PRKCQ: variants seen among roughly 807,000 people sequenced by gnomAD.
PRKCQ encodes protein kinase C theta.
PRKCQ carries 41 observed loss-of-function variants against 91.2 expected under a neutral mutation model. The observed-to-expected ratio is 0.45, with a 90% CI of 0.35 to 0.58. The LOEUF is 0.58. PRKCQ is among the 20% of genes least tolerant of loss of function. The probability of loss-of-function intolerance (pLI) is 0.00; values close to 1 mark genes in which losing one functional copy is unlikely to be tolerated. For missense variants in PRKCQ, 673 were observed against 896.5 expected (o/e 0.75, Z 3.18); for synonymous variants, 307 against 316.9 (o/e 0.97, Z 0.33).
chr10:6,478,721 G>C (rs763789132), intron 12 of PRKCQ, among the ~76,000 whole-genome samples: 1 of 152,202 alleles, frequency 6.6e-6, no homozygotes, highest in Non-Finnish European at 1.5e-5. Context: ...TGAGAAGCCT[G>C]GTTGTTATGC....
intron 2 of PRKCQ, among the ~76,000 whole-genome samples, chr10:6,513,190 G>A (rs187579615): frequency 2.6e-5 from 4 of 152,276 alleles, no homozygotes; most frequent in Non-Finnish European, 5.9e-5. Context: ...TCCTTGTTCT[G>A]TTGGCTCATT....
At chr10:6,441,116 T>C (rs1018828021) in intron 16 of PRKCQ, among the ~76,000 whole-genome samples, 5 of 152,158 alleles carry the variant, frequency 3.3e-5, no homozygotes, top group Non-Finnish European at 5.9e-5. Flanking sequence ...CAAAAAGTCA[T>C]ACATCCTGTC....
At chr10:6,403,666 C>G in the PRKCQ span, among the ~76,000 whole-genome samples, 5 of 152,156 alleles carry the variant, frequency 3.3e-5, no homozygotes, top group Non-Finnish European at 7.3e-5. Flanking sequence ...TTAATCTACG[C>G]ACCTCTTATT....
intron 1 of PRKCQ, among the ~76,000 whole-genome samples, chr10:6,553,920 A>T (rs1390253715): frequency 6.6e-6 from 1 of 152,024 alleles, no homozygotes; most frequent in Non-Finnish European, 1.5e-5. Context: ...ATAGTACAGA[A>T]TTATATTTGG....
downstream of PRKCQ, among the ~76,000 whole-genome samples, chr10:6,426,356 C>T (rs552778891): frequency 8.5e-5 from 13 of 152,190 alleles, no homozygotes; most frequent in Non-Finnish European, 1.6e-4. Context: ...CAGAACAGAA[C>T]GGGCGGCTCC....
chr10:6,507,040 T>C (rs1838232555), intron 4 of PRKCQ, among the ~76,000 whole-genome samples: 2 of 152,228 alleles, frequency 1.3e-5, no homozygotes, highest in South Asian at 4.1e-4. Flanking sequence ...TTGATTGACT[T>C]CTTACTTATT....
chr10:6,566,235 C>G (rs995563707), intron 1 of PRKCQ, among the ~76,000 whole-genome samples: 1 of 152,196 alleles, frequency 6.6e-6, no homozygotes, highest in African/African-American at 2.4e-5. Context: ...GTTTGTGGGA[C>G]TGCACTTCGG....
intron 15 of PRKCQ, among the ~76,000 whole-genome samples, chr10:6,446,941 G>C (rs555790547): frequency 1.1e-3 from 165 of 152,326 alleles, no homozygotes; most frequent in African/African-American, 3.7e-3. Context: ...GGTCTGGACA[G>C]GCGGGGCTCT....
chr10:6,448,038 A>AT (rs1834421566), intron 15 of PRKCQ, among the ~76,000 whole-genome samples: 2 of 152,092 alleles, frequency 1.3e-5, no homozygotes, highest in African/African-American at 2.4e-5. Context: ...CAGGGGTGGG[A>AT]TTTTTCCAGG....
intron 12 of PRKCQ, among the ~76,000 whole-genome samples, chr10:6,471,848 C>T (rs1835988103): frequency 6.6e-6 from 1 of 152,170 alleles, no homozygotes; most frequent in Non-Finnish European, 1.5e-5. Flanking sequence ...GAGGCACTCT[C>T]TTGAAGGAGA....
At position 6,483,562 on chromosome 10, in the gene PRKCQ, C is replaced by T. The variant is rs1046402059; in HGVS notation, c.1057G>A (p.Val353Met). Residue 353 changes from valine (V) to methionine (M), a missense_variant, in exon 11 of 18, where the codon GTG becomes ATG. Transcript: ENST00000263125. Reference protein sequence around the residue: ...GISWESPLDEVDKMCHLPEPE... With the variant: ...GISWESPLDEMDKMCHLPEPE... ...TCTGGAAGATGGCACATTTTATCCA[C>T]CTCATCCAACGGAGACTCCCAGGAA... 1.2e-6 allele frequency: 2 copies of T among 1,614,242 alleles called. No homozygotes were observed. The highest frequency in any genetic ancestry group is 2.2e-5 in the East Asian group (1 of 44,892).
At chr10:6,568,762 T>G (rs1200982242) in intron 1 of PRKCQ, among the ~76,000 whole-genome samples, 1 of 152,038 alleles carries the variant, frequency 6.6e-6, no homozygotes, top group Admixed American at 6.6e-5. Flanking sequence ...CCTCCCAAAG[T>G]GCTGAGATAA....
intron 7 of PRKCQ, among the ~76,000 whole-genome samples, chr10:6,494,990 G>C (rs991172065): frequency 2.0e-5 from 3 of 152,072 alleles, no homozygotes; most frequent in African/African-American, 7.2e-5. Flanking sequence ...CTCGGCCTCG[G>C]GCAGAAGCCA....
intron 1 of PRKCQ, among the ~76,000 whole-genome samples, chr10:6,575,475 G>C (rs1841193591): frequency 6.6e-6 from 1 of 152,188 alleles, no homozygotes; most frequent in South Asian, 2.1e-4. Context: ...CCTCATGGAG[G>C]TGGAGATAAC....
chr10:6,492,721 A>C (rs1837389188), intron 7 of PRKCQ, among the ~76,000 whole-genome samples: 1 of 152,264 alleles, frequency 6.6e-6, no homozygotes. Flanking sequence ...AACTTATTGC[A>C]GGAACAACAA....
At chr10:6,395,120 T>C in the PRKCQ span, among the ~76,000 whole-genome samples, 3 of 142,724 alleles carry the variant, frequency 2.1e-5, no homozygotes, top group Non-Finnish European at 4.5e-5. Flanking sequence ...TGGAGTGCAG[T>C]GGCTGTGATC....
intron 11 of PRKCQ, among the ~76,000 whole-genome samples, chr10:6,479,763 C>A (rs1462948872): frequency 3.1e-5 from 3 of 97,694 alleles, no homozygotes; most frequent in Non-Finnish European, 3.9e-5. Flanking sequence ...AACCCCGTCT[C>A]GACTAAAAAA....
At chr10:6,399,757 T>C in the PRKCQ span, among the ~76,000 whole-genome samples, 1 of 147,640 alleles carries the variant, frequency 6.8e-6, no homozygotes, top group African/African-American at 2.5e-5. Flanking sequence ...TCTGGTGGGC[T>C]TGGCTGGCGG....
chr10:6,538,419 C>T (rs918197047), intron 1 of PRKCQ, among the ~76,000 whole-genome samples: 1 of 152,226 alleles, frequency 6.6e-6, no homozygotes, highest in Non-Finnish European at 1.5e-5. Context: ...AGAGAGGAAA[C>T]GTTTTACAGA....
Sources: gnomAD v4.1 joint callset for allele counts (sites outside exome capture counted in the v4.1 genomes callset) on GRCh38, gnomAD v4.1.1 for gene constraint, MANE v1.5 for transcripts, NCBI Gene and HGNC (gene_info 2026-07-23, HGNC 2026-07-21) for gene names.